SLC35F5: variants seen among roughly 807,000 people sequenced by gnomAD.
The protein encoded by SLC35F5 is HCV NS5A-transactivated protein 3.
In SLC35F5, 54 loss-of-function variants were observed where a neutral mutation model predicts 68.6. The ratio of observed to expected loss-of-function variants is 0.79; its 90% CI spans 0.63 to 0.99. SLC35F5 has a LOEUF of 0.99. SLC35F5 is among the 50% of genes least tolerant of loss of function. SLC35F5 has a pLI of 0.00. For missense variants in SLC35F5, 567 were observed against 626.9 expected (o/e 0.90, Z 1.02); for synonymous variants, 211 against 205.2 (o/e 1.03, Z -0.24).
rs1686854634 is a variant in SLC35F5, at chr2:113,708,220, C to A, written c.*6998G>T. ...CAGTTTTTATTGTATGCAATCTTCC[C>A]AACATTGCAGTAAAGCAGTCTAGAT... On this transcript the variant is annotated 3_prime_UTR_variant, in exon 16 of 16. Coordinates refer to ENST00000245680, the MANE Select transcript of SLC35F5 (RefSeq NM_025181.5). Among the ~76,000 whole-genome samples the A allele has an allele frequency of 6.6e-6, 1 of 152,116 alleles. No homozygotes were observed. The highest frequency in any genetic ancestry group is 1.5e-5 in the Non-Finnish European group (1 of 68,028).
At chr2:113,704,027 C>T (rs547586656), downstream of SLC35F5, 213 of 152,730 alleles carry the variant, frequency 1.4e-3, 2 homozygotes, top group Non-Finnish European at 6.4e-4. Flanking sequence ...GTCTCGCCGG[C>T]TCAGGAGTGA....
At chr2:113,745,155 A>G (rs1040198833) in intron 5 of SLC35F5, among the ~76,000 whole-genome samples, 10 of 152,210 alleles carry the variant, frequency 6.6e-5, no homozygotes, top group African/African-American at 2.4e-4. Context: ...TACAGATAAT[A>G]GTAAGAATTA....
At chr2:113,746,216 A>G (rs185517431) in intron 5 of SLC35F5, 61 bp downstream of exon 5, 2 of 1,281,044 alleles carry the variant, frequency 1.6e-6, no homozygotes, top group African/African-American at 1.5e-5. Context: ...AACCTGTTTC[A>G]GTTTTTCCTA....
At chr2:113,721,605 A>C (rs1001351863) in intron 13 of SLC35F5, among the ~76,000 whole-genome samples, 9 of 152,124 alleles carry the variant, frequency 5.9e-5, no homozygotes, top group Non-Finnish European at 1.5e-5. Context: ...TTAAAATATC[A>C]GTACAATAAA....
intron 14 of SLC35F5, among the ~76,000 whole-genome samples, chr2:113,718,065 A>G (rs1038014689): frequency 1.3e-5 from 2 of 151,902 alleles, no homozygotes. Context: ...TGTTTTTTAA[A>G]TAAGAGATAC....
At position 113,711,685 on chromosome 2, in the gene SLC35F5, A is replaced by G. The variant is rs1215480649; in HGVS notation, c.*3533T>C. Among the ~76,000 whole-genome samples, 1 of 152,208 alleles carries G rather than the reference A, an allele frequency of 6.6e-6. No homozygotes were observed. The highest frequency in any genetic ancestry group is 1.5e-5 in the Non-Finnish European group (1 of 68,028). Reference sequence around the variant, plus strand: ...CACCATTTAAAAAAGTCAGCACACAATGTTAGCTATGTAAGTTTATCTGCA... The same window carrying G: ...CACCATTTAAAAAAGTCAGCACACAGTGTTAGCTATGTAAGTTTATCTGCA... On this transcript the variant is annotated 3_prime_UTR_variant, in exon 16 of 16. Coordinates refer to ENST00000245680, the MANE Select transcript of SLC35F5 (RefSeq NM_025181.5).
chr2:113,704,818 G>A (rs989542421), downstream of SLC35F5, among the ~76,000 whole-genome samples: 1 of 152,126 alleles, frequency 6.6e-6, no homozygotes, highest in African/African-American at 2.4e-5. Flanking sequence ...TGGGGGAGCC[G>A]CCTCCGGCCT....
At position 113,736,596 on chromosome 2, in the gene SLC35F5, A is replaced by G. The variant is rs76009370; in HGVS notation, c.751-738T>C. ...CTATTAAACCAGATGATGTGCATGG[A>G]TATGGATGGACCTAGCTAGCTAGCT... On this transcript the variant is annotated intron_variant, in intron 7 of 15. Coordinates refer to ENST00000245680, the MANE Select transcript of SLC35F5 (RefSeq NM_025181.5). Among the ~76,000 whole-genome samples the G allele has an allele frequency of 2.8e-3, 428 of 152,334 alleles. 2 individuals are homozygous for G. The highest frequency in any genetic ancestry group is 9.9e-3 in the African/African-American group (411 of 41,570).
In SLC35F5 at chr2:113,709,838, G is replaced by A. The variant is rs896787849; in HGVS notation, c.*5380C>T. ...TGGTTTTGTTTTTTTAACAGACAGG[G>A]TCTCACTTTGCTGCCCAGGCTGGAC... On this transcript the variant is annotated 3_prime_UTR_variant, in exon 16 of 16. Coordinates refer to ENST00000245680, the MANE Select transcript of SLC35F5 (RefSeq NM_025181.5). Among the ~76,000 whole-genome samples, 2 of 152,102 alleles carry A rather than the reference G, an allele frequency of 1.3e-5. No individual in the cohort carries two copies. The highest frequency in any genetic ancestry group is 4.8e-5 in the African/African-American group (2 of 41,406).
chr2:113,743,118 A>G (rs1311467929), intron 6 of SLC35F5, among the ~76,000 whole-genome samples: 1 of 152,228 alleles, frequency 6.6e-6, no homozygotes, highest in African/African-American at 2.4e-5. Flanking sequence ...CAATATTCAA[A>G]CAAGGTTTCT....
At chr2:113,727,513 G>A (rs999695741) in intron 11 of SLC35F5, among the ~76,000 whole-genome samples, 2 of 152,118 alleles carry the variant, frequency 1.3e-5, no homozygotes, top group Non-Finnish European at 2.9e-5. Flanking sequence ...GAAATCCCAC[G>A]TAAATTAACA....
chr2:113,750,607 C>G, intron 3 of SLC35F5, 39 bp from the exon 4 acceptor site: 2 of 1,503,248 alleles, frequency 1.3e-6, no homozygotes, highest in South Asian at 2.7e-5. Context: ...TCTGAGATGA[C>G]CTTAAACCTT....
At chr2:113,718,927 A>AAGAAAGAAAG (rs1182098254) in intron 14 of SLC35F5, among the ~76,000 whole-genome samples, 11 of 44,512 alleles carry the variant, frequency 2.5e-4, no homozygotes, top group African/African-American at 3.2e-4. Context: ...GAAAGAAAGA[A>AAGAAAGAAAG]AAAGAAAGGA....
downstream of SLC35F5, chr2:113,703,920 G>GT (rs1459068246): frequency 6.6e-6 from 1 of 152,402 alleles, no homozygotes; most frequent in Non-Finnish European, 1.5e-5. Flanking sequence ...GAATGAAGCC[G>GT]TGGCTCCTCG....
At chr2:113,734,905 A>G (rs533152613) in intron 8 of SLC35F5, among the ~76,000 whole-genome samples, 2 of 152,346 alleles carry the variant, frequency 1.3e-5, no homozygotes, top group South Asian at 4.1e-4. Flanking sequence ...AGTACAGATC[A>G]AGTACAGTCC....
chr2:113,756,330 T>G (rs1428838382), intron 1 of SLC35F5, 40 bp downstream of exon 1: 1 of 1,558,198 alleles, frequency 6.4e-7, no homozygotes, highest in East Asian at 2.4e-5. Flanking sequence ...CGTCCCGGTT[T>G]GGGCTCCGGT....
Position 113,748,820 on chromosome 2 carries a change from A to C in SLC35F5, c.417+1605T>G, listed in dbSNP as rs530920478. On this transcript the variant is annotated intron_variant, in intron 4 of 15. Transcript: ENST00000245680. ...GTTTTTAATTGTTTTTTATTTATTT[A>C]TTTTGAGACGGAGTTTCACTGTCAC... 7.1e-4 allele frequency among the ~76,000 whole-genome samples: 72 copies of C among 101,818 alleles called. 1 individual carries two copies. The highest frequency in any genetic ancestry group is 2.5e-3 in the African/African-American group (70 of 28,518). 66.8% of individuals were successfully genotyped at this position (101,818 alleles called of 152,430 possible).
intron 1 of SLC35F5, chr2:113,756,036 C>A: frequency 6.8e-7 from 1 of 1,471,796 alleles, no homozygotes; most frequent in Non-Finnish European, 9.0e-7. Context: ...TCTCCATGCT[C>A]CTCCACCCAC....
At chr2:113,742,632 T>A in intron 7 of SLC35F5, 60 bp downstream of exon 7, 1 of 1,515,000 alleles carries the variant, frequency 6.6e-7, no homozygotes, top group Non-Finnish European at 9.1e-7. Context: ...TGTTGGTATG[T>A]ATACAGTCTT....
Sources: allele counts gnomAD v4.1 joint callset (sites outside exome capture counted in the v4.1 genomes callset), GRCh38; gene constraint gnomAD v4.1.1; transcripts MANE v1.5; gene names NCBI Gene and HGNC (gene_info 2026-07-23, HGNC 2026-07-21).